Variants in MTMR8 observed in about 807,000 individuals in gnomAD.
The protein encoded by MTMR8 is myotubularin related protein 8.
Under a neutral mutation model 39.3 loss-of-function variants are expected in MTMR8, and 65 were observed. That is an observed-to-expected ratio of 1.65 (90% CI 1.35 to 2.03). The LOEUF is 2.03. Ranked by LOEUF, MTMR8 falls within the 30% of genes most tolerant of loss-of-function variation. The pLI is 0.00. For synonymous variants in MTMR8, 245 were observed against 185.2 expected (o/e 1.32, Z -2.62); for missense variants, 777 against 538.9 (o/e 1.44, Z -4.37).
chrX:64,290,524 C>G (rs1921359452), intron 12 of MTMR8, among the ~76,000 whole-genome samples: 1 of 110,772 alleles, frequency 9.0e-6, no homozygotes. Flanking sequence ...ATATCACAAC[C>G]AGGATACTGA....
intron 12 of MTMR8, among the ~76,000 whole-genome samples, chrX:64,304,504 C>T (rs1485579244): frequency 9.0e-6 from 1 of 111,282 alleles, no homozygotes; most frequent in Non-Finnish European, 1.9e-5. Context: ...GACACTGCTT[C>T]ATAGCAAGGC....
At position 64,268,644 on chromosome X, in the gene MTMR8, A is replaced by T. The variant is rs73227152; in HGVS notation, c.2008T>A (p.Leu670Met). Residue 670 changes from leucine to methionine, a missense_variant, in exon 14 of 14, where the codon TTG (leucine) becomes ATG (methionine). Transcript: ENST00000374852. ...ISEATGISGN[L>M]GISEARGFSG... ...AAACCCCTGGCCTCAGAAATACCCA[A>T]GTTTCCAGAGATGCCAGTGGCCTCA... is the stretch of plus-strand genomic sequence containing the variant. The T allele has an allele frequency of 6.6e-3, 7,967 of 1,209,405 alleles. 46 individuals carry two copies. Among genetic ancestry groups the T allele is most frequent in the Middle Eastern group, 8.7e-3 (38 of 4,355 alleles).
chrX:64,306,013 G>A, intron 12 of MTMR8: 1 of 190,107 alleles, frequency 5.3e-6, no homozygotes, highest in Admixed American at 6.1e-5. Context: ...CTACTCGGGA[G>A]GCTAAGGCAG....
chrX:64,274,070 A>C lies in MTMR8; in HGVS notation c.1482-2997T>G, dbSNP rs747129390. Among the ~76,000 whole-genome samples the C allele has an allele frequency of 1.5e-3, 163 of 111,760 alleles. 1 individual carries two copies. The highest frequency in any genetic ancestry group is 5.1e-3 in the African/African-American group (159 of 30,879). On this transcript the variant is annotated intron_variant, in intron 12 of 13. Coordinates refer to ENST00000374852, the MANE Select transcript of MTMR8 (RefSeq NM_017677.4). ...CAATCAGAGAGGAAAATCAAAAAAC[A>C]AATAGCAGACTTGAACAAGTCTGTG...
intron 12 of MTMR8, chrX:64,305,767 G>T: frequency 2.4e-6 from 1 of 416,778 alleles, no homozygotes. Context: ...AGAGCTGAAA[G>T]CATTTCCTGT....
intron 12 of MTMR8, among the ~76,000 whole-genome samples, chrX:64,302,420 C>T (rs1038512411): frequency 6.2e-5 from 7 of 112,257 alleles, no homozygotes; most frequent in Admixed American, 1.9e-4. Context: ...CGCCCTGCTT[C>T]GGCTCGCGGA....
rs761261181 is a variant in MTMR8 at position 64,313,436 on chromosome X, A to C, written c.1481+15336T>G. ...GAATTGAAGACAGTTAGGAACTTTT[A>C]TCAACAATAGGACTGTTTTGCTTTC... On this transcript the variant is annotated intron_variant, in intron 12 of 13. Coordinates refer to ENST00000374852, the MANE Select transcript of MTMR8 (RefSeq NM_017677.4). Among the ~76,000 whole-genome samples the C allele has an allele frequency of 8.0e-5, 9 of 112,737 alleles. No individual in the cohort carries two copies. The East Asian group carries it at 1.4e-3, about 18-fold the overall frequency.
intron 12 of MTMR8, among the ~76,000 whole-genome samples, chrX:64,274,965 A>G (rs1931839397): frequency 9.0e-6 from 1 of 111,475 alleles, no homozygotes; most frequent in Non-Finnish European, 1.9e-5. Flanking sequence ...AAAAGGAATG[A>G]CTTTTTGAGG....
chrX:64,387,664 G>A (rs1475907748), intron 1 of MTMR8, among the ~76,000 whole-genome samples: 1 of 106,897 alleles, frequency 9.4e-6, no homozygotes, highest in Non-Finnish European at 1.9e-5. Context: ...CACAGAATAT[G>A]TGTGTGGGGT....
Position 64,386,505 on chromosome X carries a change from T to C in MTMR8, c.24+8835A>G, listed in dbSNP as rs975705467. On this transcript the variant is annotated intron_variant, in intron 1 of 13. Transcript: ENST00000374852. ...TTAAAACCAAAAACCCACATGGGGA[T>C]GAGAGGGGAAAAACAACTCACAGGA... 2.7e-5 allele frequency among the ~76,000 whole-genome samples: 3 copies of C among 111,076 alleles called. No individual in the cohort carries two copies. The South Asian group carries it at 1.1e-3, about 42-fold the overall frequency.
chrX:64,302,532 C>T (rs1249997434), intron 12 of MTMR8, among the ~76,000 whole-genome samples: 4 of 112,148 alleles, frequency 3.6e-5, no homozygotes, highest in South Asian at 3.7e-4. Flanking sequence ...TCTTATGCGT[C>T]GCTCACGCTG....
At chrX:64,317,350 T>C (rs1922496921) in intron 12 of MTMR8, among the ~76,000 whole-genome samples, 1 of 111,156 alleles carries the variant, frequency 9.0e-6, no homozygotes, top group African/African-American at 3.3e-5. Context: ...AGAACTTTCA[T>C]TATTGTCCCA....
intron 12 of MTMR8, among the ~76,000 whole-genome samples, chrX:64,282,026 T>C (rs904928922): frequency 9.1e-6 from 1 of 110,280 alleles, no homozygotes; most frequent in Non-Finnish European, 1.9e-5. Flanking sequence ...CCCAATACTA[T>C]CTCATGCCAG....
chrX:64,331,848 C>G, intron 10 of MTMR8, 91 bp from the exon 11 acceptor site: 2 of 807,129 alleles, frequency 2.5e-6, no homozygotes, highest in South Asian at 5.1e-5. Flanking sequence ...CATCTTTTGT[C>G]TCTGTTGGTA....
chrX:64,303,124 T>C (rs1356575813), intron 12 of MTMR8, among the ~76,000 whole-genome samples: 1 of 112,513 alleles, frequency 8.9e-6, no homozygotes, highest in East Asian at 2.8e-4. Flanking sequence ...GCAGGAAAAA[T>C]TCAGCTTTTC....
At chrX:64,381,702 G>A (rs1445815092) in intron 1 of MTMR8, among the ~76,000 whole-genome samples, 13 of 111,196 alleles carry the variant, frequency 1.2e-4, no homozygotes, top group African/African-American at 4.2e-4. Context: ...GAATGGTATT[G>A]CCTAGGTTTT....
At chrX:64,344,264 A>G (rs1432381597) in intron 7 of MTMR8, among the ~76,000 whole-genome samples, 4 of 112,075 alleles carry the variant, frequency 3.6e-5, no homozygotes, top group Non-Finnish European at 7.5e-5. Flanking sequence ...CAAAAAAGAA[A>G]GGAGTAAGAG....
At chrX:64,391,311 G>T (rs1416056308) in intron 1 of MTMR8, among the ~76,000 whole-genome samples, 1 of 111,888 alleles carries the variant, frequency 8.9e-6, no homozygotes, top group African/African-American at 3.3e-5. Flanking sequence ...TTATGTGAAG[G>T]AGAGTCCAGA....
intron 4 of MTMR8, among the ~76,000 whole-genome samples, chrX:64,354,394 T>C (rs1047932642): frequency 9.0e-6 from 1 of 111,559 alleles, no homozygotes; most frequent in African/African-American, 3.3e-5. Flanking sequence ...ACATATTGTA[T>C]GCCTGTATAA....
Sources: gnomAD v4.1 joint callset for allele counts (sites outside exome capture counted in the v4.1 genomes callset) on GRCh38, gnomAD v4.1.1 for gene constraint, MANE v1.5 for transcripts, NCBI Gene and HGNC (gene_info 2026-07-23, HGNC 2026-07-21) for gene names.